Variants in ARIH1 observed in about 807,000 individuals in gnomAD.
ARIH1 encodes the protein ariadne RBR E3 ubiquitin protein ligase 1.
A neutral mutation model predicts 85.0 loss-of-function variants in ARIH1; 8 were observed. That is an observed-to-expected ratio of 0.09 (90% CI 0.06 to 0.17). ARIH1 has a LOEUF of 0.17. ARIH1 is among the 10% of genes least tolerant of loss of function. The pLI is 1.00. For synonymous variants in ARIH1, 238 were observed against 253.6 expected, an observed-to-expected ratio of 0.94 and a Z score of 0.59; for missense variants, 311 against 718.1, an observed-to-expected ratio of 0.43 and a Z score of 6.48.
rs535261674 is a variant in ARIH1 at position 72,498,961 on chromosome 15, A to ATTTTTTTTTTTTTTTTTTTTTTTTTTTT, written c.376-19096_376-19069dup. ...TTATGTCGTTTGCACCTTTTCATAA[A>ATTTTTTTTTTTTTTTTTTTTTTTTTTTT]TTTTTTTTTTTTTTTTTTTTTTTTT... On this transcript the variant is annotated intron_variant, in intron 1 of 13. Coordinates refer to ENST00000379887, the MANE Select transcript of ARIH1 (RefSeq NM_005744.5). Among the ~76,000 whole-genome samples the ATTTTTTTTTTTTTTTTTTTTTTTTTTTT allele has an allele frequency of 2.3e-5, 2 of 88,450 alleles. 1 individual carries two copies. The highest frequency in any genetic ancestry group is 9.3e-5 in the African/African-American group (2 of 21,416). The allele number at this position is 88,450 out of a possible 152,430, so 58.0% of individuals were successfully genotyped here. A position where few individuals can be genotyped will look rare whatever the true frequency, so the allele number is the denominator to read the frequency against.
At chr15:72,536,972 A>T (rs745469145) in intron 2 of ARIH1, among the ~76,000 whole-genome samples, 11 of 152,158 alleles carry the variant, frequency 7.2e-5, no homozygotes, top group Non-Finnish European at 1.3e-4. Context: ...TGAAAAATAT[A>T]TGAGCAGTAT....
intron 1 of ARIH1, among the ~76,000 whole-genome samples, chr15:72,505,936 A>G (rs1350683878): frequency 6.6e-6 from 1 of 152,038 alleles, no homozygotes; most frequent in African/African-American, 2.4e-5. Context: ...GGGTTTCACC[A>G]TGTTGGCCAG....
chr15:72,569,747 C>T lies in ARIH1; in HGVS notation c.1027-430C>T, dbSNP rs545313334. Among the ~76,000 whole-genome samples, 12 of 152,208 alleles carry T rather than the reference C, an allele frequency of 7.9e-5. No homozygotes were observed. In the South Asian group the frequency reaches 2.5e-3, roughly 32 times the overall value. On this transcript the variant is annotated intron_variant, in intron 9 of 13. Coordinates refer to ENST00000379887, the MANE Select transcript of ARIH1 (RefSeq NM_005744.5). Reference sequence around the variant, plus strand: ...TAGAATGCTTTTATCTCCTATAGTACTGTTATTACTATATATATGACTAAA... The same window carrying T: ...TAGAATGCTTTTATCTCCTATAGTATTGTTATTACTATATATATGACTAAA...
chr15:72,489,956 G>A (rs1133316), intron 1 of ARIH1, among the ~76,000 whole-genome samples: 110,680 of 152,110 alleles, frequency 0.73, 46,496 homozygotes, highest in Non-Finnish European at 0.92. Flanking sequence ...AAAGCTATTA[G>A]AAGGCTCTCT....
At chr15:72,518,809 C>A (rs996881828) in intron 2 of ARIH1, among the ~76,000 whole-genome samples, 2 of 148,282 alleles carry the variant, frequency 1.3e-5, no homozygotes, top group African/African-American at 5.0e-5. Context: ...AAAAAAAATT[C>A]TTGCTCACAA....
intron 2 of ARIH1, among the ~76,000 whole-genome samples, chr15:72,528,948 C>A (rs1402810866): frequency 6.6e-6 from 1 of 152,152 alleles, no homozygotes; most frequent in Non-Finnish European, 1.5e-5. Context: ...TGCCTGTAAT[C>A]CCAGCACTTT....
intron 1 of ARIH1, among the ~76,000 whole-genome samples, chr15:72,486,585 A>G (rs2063838188): frequency 6.7e-6 from 1 of 150,364 alleles, no homozygotes; most frequent in Non-Finnish European, 1.5e-5. Context: ...GATGGATAGT[A>G]TGCTATCTCA....
At chr15:72,508,591 G>C (rs2063935992) in intron 1 of ARIH1, among the ~76,000 whole-genome samples, 1 of 152,058 alleles carries the variant, frequency 6.6e-6, no homozygotes, top group Non-Finnish European at 1.5e-5. Context: ...AGTATTAAAT[G>C]AAATAATGTA....
intron 2 of ARIH1, among the ~76,000 whole-genome samples, chr15:72,544,264 T>C (rs1567351952): frequency 6.6e-6 from 1 of 152,210 alleles, no homozygotes; most frequent in Non-Finnish European, 1.5e-5. Flanking sequence ...GTAATAATTA[T>C]ATTTTTAAGA....
intron 1 of ARIH1, among the ~76,000 whole-genome samples, chr15:72,487,726 C>T (rs886248020): frequency 6.6e-6 from 1 of 152,094 alleles, no homozygotes; most frequent in African/African-American, 2.4e-5. Flanking sequence ...TAGTTTAGGA[C>T]CTTTTTATTT....
At chr15:72,561,068 A>G (rs895245536) in intron 5 of ARIH1, among the ~76,000 whole-genome samples, 10 of 152,166 alleles carry the variant, frequency 6.6e-5, no homozygotes, top group African/African-American at 2.2e-4. Context: ...ATTTCTGGCA[A>G]CAATATCTGT....
chr15:72,576,901 A>G (rs2064273788), intron 11 of ARIH1, among the ~76,000 whole-genome samples: 1 of 151,982 alleles, frequency 6.6e-6, no homozygotes, highest in South Asian at 2.1e-4. Flanking sequence ...TTAATAGCCT[A>G]CTGATGACCA....
At chr15:72,541,189 T>G (rs1435154297) in intron 2 of ARIH1, among the ~76,000 whole-genome samples, 5 of 152,140 alleles carry the variant, frequency 3.3e-5, no homozygotes, top group Non-Finnish European at 2.9e-5. Flanking sequence ...GGGTTTAGCA[T>G]TTTCTTTGAA....
chr15:72,561,778 T>TCAAGACCAA (rs1159497156), intron 6 of ARIH1, among the ~76,000 whole-genome samples: 1 of 152,024 alleles, frequency 6.6e-6, no homozygotes, highest in Non-Finnish European at 1.5e-5. Flanking sequence ...GATCAGGAGT[T>TCAAGACCAA]CAAGACCAAC....
rs182785893 is a variant in ARIH1, at chr15:72,478,493, G to C, written c.375+3479G>C. Among the ~76,000 whole-genome samples, 658 of 152,280 alleles carry C rather than the reference G, an allele frequency of 4.3e-3. 25 individuals are homozygous for C. Among genetic ancestry groups the C allele is most frequent in the Admixed American group, 0.038 (584 of 15,286 alleles). ...AAGAACCCTGTTCAATTCTGCAGTT[G>C]GGAGTATTTAAACTTGCCATTTTGT... On this transcript the variant is annotated intron_variant, in intron 1 of 13. Coordinates refer to ENST00000379887, the MANE Select transcript of ARIH1 (RefSeq NM_005744.5).
In ARIH1 at chr15:72,590,829, A is replaced by G. The variant is rs2064339814; in HGVS notation, c.*7537A>G. On this transcript the variant is annotated 3_prime_UTR_variant, in exon 14 of 14. Transcript: ENST00000379887. ...ACCTGTAAAACCCTCTTCACTGATT[A>G]TGCCTGTTTAAAGGTTTGGTATTTA... 6.6e-6 allele frequency: 1 copy of G among 152,196 alleles called. No homozygotes were observed. Among genetic ancestry groups the G allele is most frequent in the Admixed American group, 6.5e-5 (1 of 15,274 alleles). 9.4% of individuals were successfully genotyped at this position (152,196 alleles called of 1,614,324 possible).
At chr15:72,543,472 C>T (rs1449422671) in intron 2 of ARIH1, among the ~76,000 whole-genome samples, 1 of 152,054 alleles carries the variant, frequency 6.6e-6, no homozygotes, top group African/African-American at 2.4e-5. Flanking sequence ...TTCTGATAAT[C>T]CTCCTTTTTA....
chr15:72,601,048 C>A lies in ARIH1; in HGVS notation c.*17756C>A, dbSNP rs2064380507. On this transcript the variant is annotated 3_prime_UTR_variant, in exon 14 of 14. Transcript: ENST00000379887. ...CTTTCAAAGTAAGAAACCTGGCAAT[C>A]TTCCTTTAACATCCATTTCCCTTTC... 1 of 152,196 alleles carries A rather than the reference C, an allele frequency of 6.6e-6. No homozygotes were observed. The highest frequency in any genetic ancestry group is 1.5e-5 in the Non-Finnish European group (1 of 68,018). 9.4% of individuals were successfully genotyped at this position (152,196 alleles called of 1,614,324 possible). A position where few individuals can be genotyped will look rare whatever the true frequency, so the allele number is the denominator to read the frequency against.
At chr15:72,523,931 T>C (rs2064012727) in intron 2 of ARIH1, among the ~76,000 whole-genome samples, 1 of 146,826 alleles carries the variant, frequency 6.8e-6, no homozygotes. Context: ...CGTGTGCTAC[T>C]TTTACATCTT....
Sources: gnomAD v4.1 joint callset for allele counts (sites outside exome capture counted in the v4.1 genomes callset) on GRCh38, gnomAD v4.1.1 for gene constraint, MANE v1.5 for transcripts, NCBI Gene and HGNC (gene_info 2026-07-23, HGNC 2026-07-21) for gene names.